GBF1: variants seen among roughly 807,000 people sequenced by gnomAD.
The protein encoded by GBF1 is golgi brefeldin A resistant guanine nucleotide exchange factor 1.
A neutral mutation model predicts 210.5 loss-of-function variants in GBF1; 114 were observed. That is an observed-to-expected ratio of 0.54 (90% CI 0.47 to 0.63). The LOEUF (loss-of-function observed/expected upper bound fraction) is 0.63, where lower values mean the gene tolerates loss of function less well. Among genes scored for constraint, GBF1 ranks in the 30% least tolerant of loss-of-function variants. The pLI is 0.00. For synonymous variants in GBF1, 850 were observed against 889.2 expected (o/e 0.96, Z 0.78); for missense variants, 1,851 against 2,357.7 (o/e 0.79, Z 4.45).
chr10:102,322,383 A>G (rs2056480774), intron 3 of GBF1, among the ~76,000 whole-genome samples: 2 of 152,172 alleles, frequency 1.3e-5, no homozygotes, highest in South Asian at 4.1e-4. Flanking sequence ...TTCTCTGGTG[A>G]CCTTGGTAAA....
chr10:102,370,508 C>T, intron 28 of GBF1, 30 bp downstream of exon 28: 1 of 1,539,052 alleles, frequency 6.5e-7, no homozygotes, highest in Non-Finnish European at 9.0e-7. Flanking sequence ...TAGGCAGACC[C>T]CATGCTGGGC....
At chr10:102,294,386 CTT>C (rs56033220) in intron 3 of GBF1, among the ~76,000 whole-genome samples, 8 of 140,772 alleles carry the variant, frequency 5.7e-5, no homozygotes, top group Admixed American at 1.4e-4. Context: ...TTTTCTTTTT[CTT>C]TTTTTTTTTT....
chr10:102,332,468 C>G (rs2057406412), intron 3 of GBF1, among the ~76,000 whole-genome samples: 1 of 151,270 alleles, frequency 6.6e-6, no homozygotes, highest in East Asian at 1.9e-4. Context: ...ACTGCAACTT[C>G]TGCCTCCCCG....
At chr10:102,360,506 C>G (rs1290101518) in intron 12 of GBF1, 111 bp downstream of exon 12, 4 of 713,932 alleles carry the variant, frequency 5.6e-6, no homozygotes, top group South Asian at 1.6e-5. Flanking sequence ...CATCTCCCTC[C>G]CAGTTGGCTA....
At chr10:102,240,027 A>C in the GBF1 span, among the ~76,000 whole-genome samples, 2,138 of 152,336 alleles carry the variant, frequency 0.014, 40 homozygotes, top group African/African-American at 0.049. Flanking sequence ...GCTGAGGAAG[A>C]AAAAGGGAAA....
intron 3 of GBF1, among the ~76,000 whole-genome samples, chr10:102,297,239 T>C (rs761392984): frequency 6.6e-5 from 10 of 152,166 alleles, no homozygotes; most frequent in Non-Finnish European, 1.3e-4. Context: ...TTTCTCTAAG[T>C]CCAGAGCACT....
intron 39 of GBF1, 29 bp from the exon 40 acceptor site, chr10:102,382,027 T>C: frequency 6.6e-7 from 1 of 1,515,498 alleles, no homozygotes; most frequent in Non-Finnish European, 8.8e-7. Context: ...CAAGGGAATC[T>C]GACTGTAACC....
intron 3 of GBF1, among the ~76,000 whole-genome samples, chr10:102,264,564 G>A (rs574790385): frequency 6.6e-6 from 1 of 152,016 alleles, no homozygotes; most frequent in African/African-American, 2.4e-5. Flanking sequence ...CTCCCCCCAC[G>A]GAGTGTGTTT....
intron 3 of GBF1, among the ~76,000 whole-genome samples, chr10:102,336,402 T>C (rs1370586385): frequency 6.6e-6 from 1 of 151,570 alleles, no homozygotes; most frequent in East Asian, 1.9e-4. Flanking sequence ...TAGAACAATA[T>C]CTTAGTTATC....
intron 3 of GBF1, among the ~76,000 whole-genome samples, chr10:102,340,059 T>C (rs529915280): frequency 1.3e-4 from 20 of 150,956 alleles, no homozygotes; most frequent in Middle Eastern, 3.2e-3. Context: ...GTTCAAGATA[T>C]TCTTTCACCT....
At position 102,363,325 on chromosome 10, in the gene GBF1, G is replaced by A. The variant is rs780885558; in HGVS notation, c.1946G>A (p.Gly649Asp). 1.2e-6 allele frequency: 2 copies of A among 1,614,044 alleles called. No homozygotes were observed. The highest frequency in any genetic ancestry group is 1.7e-5 in the Admixed American group (1 of 60,026). Residue 649 changes from glycine to aspartate, a missense_variant, in exon 16 of 40, where the codon GGT becomes GAT. Around this residue, in one of 3 missense-constraint regions of GBF1, gnomAD observed 804 missense variants for 958.6 expected, o/e 0.84. Transcript: ENST00000369983. The surrounding 1 kb of genome is among the most constrained non-coding windows in gnomAD (Gnocchi z 4.2). ...GACATCCCAGGCCTGCATCTGCCAG[G>A]TGGAGGGCGGCTGCCACCAGAACAT... The part of the protein sequence containing the change: ...ASDIPGLHLP[G>D]GGRLPPEHGK...
At chr10:102,367,816 T>C (rs1011826821) in intron 21 of GBF1, among the ~76,000 whole-genome samples, 1 of 152,176 alleles carries the variant, frequency 6.6e-6, no homozygotes, top group Non-Finnish European at 1.5e-5. Context: ...TTTTCTGAAC[T>C]TAAAACAGGT....
Position 102,382,108 on chromosome 10 carries a change from A to T in GBF1, c.5355A>T (p.Ser1785=). The part of the protein sequence containing the change: ...PRAASSSSPG[S]PVASSPSRLS... ...CCGCCAGCAGCAGCTCCCCAGGATC[A>T]CCAGTGGCCTCAAGCCCCAGCAGGC... The change falls in exon 40 of 40, where the codon TCA becomes TCT. Residue 1785 remains serine (S), a synonymous_variant. Transcript: ENST00000369983. 6.3e-7 allele frequency: 1 copy of T among 1,592,632 alleles called. No homozygotes were observed. The highest frequency in any genetic ancestry group is 1.3e-5 in the African/African-American group (1 of 74,414).
At chr10:102,369,440 TGTATG>T (rs1334078904) in intron 24 of GBF1, 53 bp downstream of exon 24, 1 of 1,365,466 alleles carries the variant, frequency 7.3e-7, no homozygotes, top group Non-Finnish European at 1.0e-6. Context: ...GCTGCAACAT[TGTATG>T]CTACCTGTAC....
chr10:102,263,890 C>G (rs1310001675), intron 3 of GBF1, among the ~76,000 whole-genome samples: 3 of 152,146 alleles, frequency 2.0e-5, no homozygotes, highest in African/African-American at 7.2e-5. Flanking sequence ...AGCTTACCAC[C>G]AGTGAGAGAG....
chr10:102,381,276 C>CTGAT, intron 39 of GBF1, 21 bp downstream of exon 39: 1 of 1,611,382 alleles, frequency 6.2e-7, no homozygotes, highest in Non-Finnish European at 8.5e-7. Context: ...CTAGCCTAGC[C>CTGAT]TGATAGGCAC....
intron 1 of GBF1, among the ~76,000 whole-genome samples, chr10:102,248,834 T>C (rs2071153320): frequency 6.6e-6 from 1 of 152,096 alleles, no homozygotes; most frequent in African/African-American, 2.4e-5. Flanking sequence ...AAGGTCTCAC[T>C]GTATTGCTCA....
intron 1 of GBF1, among the ~76,000 whole-genome samples, chr10:102,248,162 A>T (rs905698713): frequency 1.3e-5 from 2 of 152,068 alleles, no homozygotes; most frequent in African/African-American, 4.8e-5. Context: ...GATTAGAATG[A>T]TTCTGTTGTT....
At chr10:102,272,403 C>T (rs2074532216) in intron 3 of GBF1, among the ~76,000 whole-genome samples, 1 of 152,224 alleles carries the variant, frequency 6.6e-6, no homozygotes, top group African/African-American at 2.4e-5. Flanking sequence ...CTGCACCCGG[C>T]CGCAATTGTT....
Sources: allele counts gnomAD v4.1 joint callset (sites outside exome capture counted in the v4.1 genomes callset), GRCh38; gene constraint gnomAD v4.1.1; regional missense constraint gnomAD v4.1.1; non-coding constraint Gnocchi (gnomAD v3.1); transcripts MANE v1.5; gene names NCBI Gene and HGNC (gene_info 2026-07-23, HGNC 2026-07-21).